Variants in GDAP1 observed in about 807,000 individuals in gnomAD.
GDAP1 encodes ganglioside induced differentiation associated protein 1.
GDAP1 carries 34 observed loss-of-function variants against 40.1 expected under a neutral mutation model. The observed-to-expected ratio is 0.85, with a 90% confidence interval of 0.64 to 1.13. GDAP1 has a LOEUF of 1.13. Ranked by LOEUF, GDAP1 falls within the 50% of genes most tolerant of loss-of-function variation. The pLI is 0.00. For missense variants in GDAP1, 374 were observed against 433.7 expected (o/e 0.86, Z 1.22); for synonymous variants, 170 against 157.4 (o/e 1.08, Z -0.60).
At chr8:74,408,219 C>G (rs765144731) in intron 2 of GDAP1, among the ~76,000 whole-genome samples, 1 of 149,870 alleles carries the variant, frequency 6.7e-6, no homozygotes, top group Admixed American at 6.6e-5. Context: ...TCTCTGAGGA[C>G]GGGCTTTAAA....
intron 2 of GDAP1, among the ~76,000 whole-genome samples, chr8:74,398,881 G>C (rs980779308): frequency 6.6e-6 from 1 of 152,060 alleles, no homozygotes; most frequent in Admixed American, 6.5e-5. Flanking sequence ...AACCAGCCTT[G>C]CATCGCAGGG....
intron 2 of GDAP1, among the ~76,000 whole-genome samples, chr8:74,414,276 A>G (rs1805751881): frequency 6.7e-6 from 1 of 150,268 alleles, no homozygotes. Flanking sequence ...CATATGAAGC[A>G]TCAAGAAATC....
intron 2 of GDAP1, among the ~76,000 whole-genome samples, chr8:74,418,455 C>G (rs2131557571): frequency 6.6e-6 from 1 of 152,186 alleles, no homozygotes; most frequent in East Asian, 1.9e-4. Flanking sequence ...ATGTTTTTGG[C>G]AAGTAGTATA....
chr8:74,422,611 C>T (rs1327119370), intron 2 of GDAP1, among the ~76,000 whole-genome samples: 1 of 150,732 alleles, frequency 6.6e-6, no homozygotes. Flanking sequence ...GTCTTTGAAC[C>T]GTTTTGATGA....
intron 2 of GDAP1, among the ~76,000 whole-genome samples, chr8:74,389,424 T>C (rs1810074862): frequency 6.6e-6 from 1 of 152,200 alleles, no homozygotes; most frequent in African/African-American, 2.4e-5. Context: ...TTATTTCTCC[T>C]TTGCTTATGA....
At chr8:74,479,389 C>T (rs1208881937) in intron 2 of GDAP1, among the ~76,000 whole-genome samples, 1 of 152,080 alleles carries the variant, frequency 6.6e-6, no homozygotes, top group Non-Finnish European at 1.5e-5. Flanking sequence ...TCCCACTTAG[C>T]TTTCATGGAC....
intron 2 of GDAP1, among the ~76,000 whole-genome samples, chr8:74,448,065 G>T (rs898835425): frequency 3.3e-5 from 5 of 152,092 alleles, no homozygotes; most frequent in African/African-American, 1.2e-4. Flanking sequence ...AAAATCAGTT[G>T]ATTTATTTTC....
At chr8:74,450,012 A>C (rs973367746) in intron 2 of GDAP1, among the ~76,000 whole-genome samples, 14 of 151,830 alleles carry the variant, frequency 9.2e-5, no homozygotes, top group Non-Finnish European at 1.6e-4. Context: ...CATTCCCATT[A>C]AAATACTACT....
intron 2 of GDAP1, among the ~76,000 whole-genome samples, chr8:74,481,635 G>A (rs1806712199): frequency 6.6e-6 from 1 of 152,150 alleles, no homozygotes; most frequent in South Asian, 2.1e-4. Context: ...CACCCCTGTG[G>A]CTTTGTTTTG....
intron 2 of GDAP1, among the ~76,000 whole-genome samples, chr8:74,469,655 T>C (rs1442681084): frequency 2.3e-4 from 28 of 124,380 alleles, no homozygotes; most frequent in Admixed American, 7.7e-4. Context: ...GGCTACAGAG[T>C]GAGACTCCGT....
intron 2 of GDAP1, among the ~76,000 whole-genome samples, chr8:74,449,826 A>G (rs1032714518): frequency 6.6e-6 from 1 of 151,586 alleles, no homozygotes; most frequent in Admixed American, 6.6e-5. Flanking sequence ...AATGTTGTAA[A>G]ATTTCTTTAA....
intron 2 of GDAP1, among the ~76,000 whole-genome samples, chr8:74,459,868 T>G (rs558889535): frequency 5.9e-5 from 9 of 152,322 alleles, no homozygotes; most frequent in African/African-American, 2.2e-4. Flanking sequence ...CAAATGTACT[T>G]AAAATTACAA....
chr8:74,410,667 A>AGAG (rs1805697732), intron 2 of GDAP1, among the ~76,000 whole-genome samples: 1 of 150,094 alleles, frequency 6.7e-6, no homozygotes, highest in Admixed American at 6.6e-5. Context: ...GTCAAAAGTA[A>AGAG]GAGCAGGAGA....
Position 74,364,305 on chromosome 8 carries a change from C to CT in GDAP1, c.1019dup (p.Arg341GlnfsTer12), listed in dbSNP as rs756461496. 19 of 1,613,896 alleles carry CT rather than the reference C, an allele frequency of 1.2e-5. No homozygotes were observed. The highest frequency in any genetic ancestry group is 1.6e-5 in the Non-Finnish European group (19 of 1,179,944). ...AGGAGTGGGATATTTTGCTTTTATG[C>CT]TTTTCAGAAAGAGGCTTGGCAGCAT... On this transcript the variant is annotated frameshift_variant, in exon 6 of 6. Transcript: ENST00000220822. LOFTEE classifies it high-confidence loss of function.
chr8:74,366,943 TG>T, downstream of GDAP1: 1 of 361,134 alleles, frequency 2.8e-6, no homozygotes, highest in Non-Finnish European at 5.3e-6. Context: ...AAGCATCATG[TG>T]GTAGTTAAAA....
rs781533090 is a variant in GDAP1 at position 74,366,839 on chromosome 8, A to C, written c.*2472A>C. 1.1e-5 allele frequency: 5 copies of C among 441,802 alleles called. No homozygotes were observed. Among genetic ancestry groups the C allele is most frequent in the South Asian group, 8.2e-5 (5 of 60,888 alleles). The allele number at this position is 441,802 out of a possible 1,614,324, so 27.4% of individuals were successfully genotyped here. A position where few individuals can be genotyped will look rare whatever the true frequency, so the allele number is the denominator to read the frequency against. ...CAAGACACTATTCTGTAAGATCAAT[A>C]AAAGTAATTGGAAAATAAATATGAA... On this transcript the variant is annotated 3_prime_UTR_variant, in exon 6 of 6. Coordinates refer to ENST00000220822, the MANE Select transcript of GDAP1 (RefSeq NM_018972.4).
At chr8:74,424,969 A>C (rs1392847795) in intron 2 of GDAP1, among the ~76,000 whole-genome samples, 11 of 152,212 alleles carry the variant, frequency 7.2e-5, no homozygotes. Flanking sequence ...AGAATTCTTC[A>C]TCCCATAAGA....
chr8:74,410,534 T>A (rs1805696291), intron 2 of GDAP1, among the ~76,000 whole-genome samples: 1 of 150,300 alleles, frequency 6.7e-6, no homozygotes. Context: ...GGCTTTTTCT[T>A]TGAATATTGA....
chr8:74,362,771 GCTCT>G (rs140955331), intron 4 of GDAP1, among the ~76,000 whole-genome samples, 164 bp from the exon 5 acceptor site: 1 of 95,564 alleles, frequency 1.0e-5, no homozygotes, highest in Non-Finnish European at 2.0e-5. Context: ...CTTCAACTTA[GCTCT>G]CTCTCTCTCT....
Sources: gnomAD v4.1 joint callset for allele counts (sites outside exome capture counted in the v4.1 genomes callset) on GRCh38, gnomAD v4.1.1 for gene constraint, MANE v1.5 for transcripts, NCBI Gene and HGNC (gene_info 2026-07-23, HGNC 2026-07-21) for gene names.